Variants in TMC1 observed in about 807,000 individuals in gnomAD.
The protein encoded by TMC1 is transmembrane channel-like protein 1.
In TMC1, 84 loss-of-function variants were observed where a neutral mutation model predicts 105.8. The ratio of observed to expected loss-of-function variants is 0.79; its 90% confidence interval spans 0.67 to 0.95. The LOEUF is 0.95. Ranked by LOEUF, TMC1 falls within the 40% of genes least tolerant of loss-of-function variation. The pLI, the probability that TMC1 is intolerant of heterozygous loss-of-function variation, is 0.00. For synonymous variants in TMC1, 315 were observed against 311.5 expected, an observed-to-expected ratio of 1.01 and a Z score of -0.12; for missense variants, 817 against 914.1, an observed-to-expected ratio of 0.89 and a Z score of 1.37.
At chr9:72,748,500 A>G (rs2118044838) in intron 10 of TMC1, among the ~76,000 whole-genome samples, 1 of 152,336 alleles carries the variant, frequency 6.6e-6, no homozygotes, top group South Asian at 2.1e-4. Flanking sequence ...CTTGGAACAC[A>G]TAACTGACCA....
At chr9:72,564,620 A>G (rs1056828005) in intron 1 of TMC1, among the ~76,000 whole-genome samples, 6 of 152,228 alleles carry the variant, frequency 3.9e-5, no homozygotes, top group Non-Finnish European at 5.9e-5. Context: ...CTGGAAAAAA[A>G]CTTTTCCATC....
intron 1 of TMC1, among the ~76,000 whole-genome samples, chr9:72,532,094 G>A (rs1823506347): frequency 6.6e-6 from 1 of 151,948 alleles, no homozygotes; most frequent in Non-Finnish European, 1.5e-5. Context: ...AGCATGCCCG[G>A]CTAATTTTGT....
At chr9:72,706,778 CTTT>C (rs370448287) in intron 8 of TMC1, among the ~76,000 whole-genome samples, 1 of 142,676 alleles carries the variant, frequency 7.0e-6, no homozygotes, top group Non-Finnish European at 1.5e-5. Context: ...TTCTTTCTTT[CTTT>C]TTTTTTTTTT....
chr9:72,563,396 AT>A (rs1452792764), intron 1 of TMC1, among the ~76,000 whole-genome samples: 3 of 152,222 alleles, frequency 2.0e-5, no homozygotes, highest in African/African-American at 7.2e-5. Context: ...CAAGGGGCCA[AT>A]TCATTAAACT....
chr9:72,640,724 C>T (rs930134358), intron 4 of TMC1, among the ~76,000 whole-genome samples: 1 of 151,966 alleles, frequency 6.6e-6, no homozygotes, highest in Non-Finnish European at 1.5e-5. Context: ...GCTCTGCCTC[C>T]CAGGTTCACA....
chr9:72,688,185 G>A (rs561787995), intron 5 of TMC1, among the ~76,000 whole-genome samples: 5 of 152,100 alleles, frequency 3.3e-5, no homozygotes, highest in African/African-American at 4.8e-5. Flanking sequence ...AATATAATAC[G>A]TATAAAAATA....
intron 12 of TMC1, among the ~76,000 whole-genome samples, chr9:72,756,055 C>T (rs1484060453): frequency 4.6e-5 from 7 of 152,144 alleles, no homozygotes; most frequent in Non-Finnish European, 1.0e-4. Flanking sequence ...AGAAAAGTTT[C>T]CCATCTCCGA....
Position 72,741,499 on chromosome 9 carries a change from G to T in TMC1, c.454-945G>T. The T allele has an allele frequency of 1.2e-5, 3 of 250,402 alleles. No homozygotes were observed. The South Asian group carries it at 1.7e-4, about 14-fold the overall frequency. 15.5% of individuals were successfully genotyped at this position (250,402 alleles called of 1,614,324 possible). On this transcript the variant is annotated intron_variant, in intron 9 of 23. Transcript: ENST00000297784. The stretch of plus-strand genomic sequence containing the variant: ...TTGCCAACAAAGATCAGTCTTTGCT[G>T]ATCAGTAGAAATTCCTGTCTTATCC...
chr9:72,612,405 C>T (rs974141205), intron 2 of TMC1, among the ~76,000 whole-genome samples: 1 of 151,948 alleles, frequency 6.6e-6, no homozygotes, highest in African/African-American at 2.4e-5. Context: ...AACTCCTGGG[C>T]TCAAGCAATC....
chr9:72,656,250 A>G (rs1177970236), intron 5 of TMC1: 4 of 435,348 alleles, frequency 9.2e-6, no homozygotes, highest in Non-Finnish European at 1.8e-5. Context: ...GTGGTGAGTC[A>G]GGAGCAGGTG....
chr9:72,639,902 C>G (rs958569861), intron 4 of TMC1, among the ~76,000 whole-genome samples: 4 of 152,164 alleles, frequency 2.6e-5, no homozygotes, highest in African/African-American at 7.2e-5. Flanking sequence ...TACTTACCCC[C>G]CAACTCCAGC....
At chr9:72,774,295 T>C (rs964806102) in intron 13 of TMC1, among the ~76,000 whole-genome samples, 3 of 152,204 alleles carry the variant, frequency 2.0e-5, no homozygotes, top group Admixed American at 6.5e-5. Flanking sequence ...ATTAAATAAA[T>C]AGACAGGTAC....
intron 2 of TMC1, among the ~76,000 whole-genome samples, chr9:72,584,984 C>T (rs1824531984): frequency 6.6e-6 from 1 of 150,990 alleles, no homozygotes; most frequent in South Asian, 2.1e-4. Context: ...GAGGTTTTGC[C>T]ATGTTGGCCA....
At chr9:72,615,498 A>G (rs984744489) in intron 2 of TMC1, among the ~76,000 whole-genome samples, 2 of 152,226 alleles carry the variant, frequency 1.3e-5, no homozygotes, top group African/African-American at 2.4e-5. Flanking sequence ...AATAAGTCCC[A>G]TCTATAGTAC....
chr9:72,649,761 C>T (rs1825770614), intron 5 of TMC1, among the ~76,000 whole-genome samples: 2 of 152,124 alleles, frequency 1.3e-5, no homozygotes, highest in African/African-American at 4.8e-5. Context: ...GGATTCAAAT[C>T]TTATGGAAGA....
intron 8 of TMC1, among the ~76,000 whole-genome samples, chr9:72,725,807 C>A (rs973513107): frequency 6.6e-6 from 1 of 152,066 alleles, no homozygotes; most frequent in African/African-American, 2.4e-5. Flanking sequence ...TCTCCTGCCT[C>A]AGCCTCCCGA....
intron 8 of TMC1, among the ~76,000 whole-genome samples, chr9:72,733,458 G>A (rs1446074761): frequency 6.6e-6 from 1 of 152,070 alleles, no homozygotes; most frequent in Non-Finnish European, 1.5e-5. Context: ...AAATGGGCTA[G>A]GGTTTTGCCT....
At chr9:72,612,259 C>T (rs1480181669) in intron 2 of TMC1, among the ~76,000 whole-genome samples, 2 of 152,146 alleles carry the variant, frequency 1.3e-5, no homozygotes, top group African/African-American at 4.8e-5. Context: ...CAGCCTTGAT[C>T]TCCCTGGCTT....
At chr9:72,725,187 AATAAG>A (rs1414411148) in intron 8 of TMC1, among the ~76,000 whole-genome samples, 2 of 151,706 alleles carry the variant, frequency 1.3e-5, no homozygotes, top group Non-Finnish European at 2.9e-5. Flanking sequence ...TGGGGGCTTA[AATAAG>A]ATAAAAGTAG....
Sources: gnomAD v4.1 joint callset for allele counts (sites outside exome capture counted in the v4.1 genomes callset) on GRCh38, gnomAD v4.1.1 for gene constraint, MANE v1.5 for transcripts, NCBI Gene and HGNC (gene_info 2026-07-23, HGNC 2026-07-21) for gene names.